The following KCNN3 variants were observed in gnomAD, a reference collection of about 807,000 sequenced individuals.
KCNN3 encodes potassium calcium-activated channel subfamily N member 3.
Under a neutral mutation model 62.9 loss-of-function variants are expected in KCNN3, and 16 were observed. The ratio of observed to expected loss-of-function variants is 0.25; its 90% CI spans 0.17 to 0.39. The LOEUF (loss-of-function observed/expected upper bound fraction) is 0.39, where lower values mean the gene tolerates loss of function less well. Ranked by LOEUF, KCNN3 falls within the 10% of genes least tolerant of loss-of-function variation. The pLI is 1.00. For missense variants in KCNN3, 599 were observed against 949.4 expected, an observed-to-expected ratio of 0.63 and a Z score of 4.85; for synonymous variants, 370 against 389.2, an observed-to-expected ratio of 0.95 and a Z score of 0.58.
Position 154,824,335 on chromosome 1 carries a change from T to G in KCNN3, c.934-2151A>C, listed in dbSNP as rs75097808. Among the ~76,000 whole-genome samples, 1,500 of 152,302 alleles carry G rather than the reference T, an allele frequency of 9.8e-3. 11 individuals carry two copies. The highest frequency in any genetic ancestry group is 0.017 in the Middle Eastern group (5 of 294). On this transcript the variant is annotated intron_variant, in intron 1 of 7. Coordinates refer to ENST00000271915, the MANE Select transcript of KCNN3 (RefSeq NM_002249.6). ...TACTCAGCACACATGTATGGGGGCC[T>G]AAGGAGGGCTGGTGCTGTTCTGGTC...
intron 3 of KCNN3, among the ~76,000 whole-genome samples, chr1:154,765,817 T>C (rs2878376): frequency 6.6e-6 from 1 of 151,706 alleles, no homozygotes; most frequent in Admixed American, 6.6e-5. Context: ...TTTTGTTTTG[T>C]TTTGTTTTTG....
In KCNN3 at chr1:154,869,768, A is replaced by ACTGCTGCT. The variant is rs1653105297; in HGVS notation, c.196_197insAGCAGCAG (p.Leu66GlnfsTer113). 1 of 423,952 alleles carries ACTGCTGCT rather than the reference A, an allele frequency of 2.4e-6. No homozygotes were observed. The highest frequency in any genetic ancestry group is 3.6e-6 in the Non-Finnish European group (1 of 276,998). The allele number at this position is 423,952 out of a possible 1,614,324, so 26.3% of individuals were successfully genotyped here. A position where few individuals can be genotyped will look rare whatever the true frequency, so the allele number is the denominator to read the frequency against. On this transcript the variant is annotated frameshift_variant, in exon 1 of 8. Coordinates refer to ENST00000271915, the MANE Select transcript of KCNN3 (RefSeq NM_002249.6). LOFTEE classifies it high-confidence loss of function. The surrounding 1 kb of genome is among the most constrained non-coding windows in gnomAD (Gnocchi z 6.1). ...CTGCTGCTGCTGCTGCTGCTGCTGA[A>ACTGCTGCT]GCTGCGGAGGCTGAGGCTGCAGCGA...
intron 5 of KCNN3, among the ~76,000 whole-genome samples, 156 bp from the exon 6 acceptor site, chr1:154,715,159 C>A (rs1223031138): frequency 2.0e-5 from 3 of 152,012 alleles, no homozygotes; most frequent in African/African-American, 7.2e-5. Flanking sequence ...TGATTAAGGC[C>A]GGGCACGGTG....
At chr1:154,848,890 C>G (rs953516387) in intron 1 of KCNN3, among the ~76,000 whole-genome samples, 10 of 152,246 alleles carry the variant, frequency 6.6e-5, no homozygotes. Context: ...CGAACACCCC[C>G]TCAGCCTCAT....
At chr1:154,732,788 G>A (rs574183590) in intron 4 of KCNN3, among the ~76,000 whole-genome samples, 1 of 152,194 alleles carries the variant, frequency 6.6e-6, no homozygotes, top group Non-Finnish European at 1.5e-5. Context: ...CAGGAGTCCA[G>A]GTCTCATTCT....
At chr1:154,866,313 CATT>C (rs1331046802) in intron 1 of KCNN3, among the ~76,000 whole-genome samples, 1 of 152,234 alleles carries the variant, frequency 6.6e-6, no homozygotes, top group Non-Finnish European at 1.5e-5. Flanking sequence ...TTCCTCTCAT[CATT>C]GTCATCATCA....
chr1:154,744,782 T>C (rs11578178), intron 3 of KCNN3, among the ~76,000 whole-genome samples: 39,770 of 151,982 alleles, frequency 0.26, 5,496 homozygotes, highest in Middle Eastern at 0.35. Flanking sequence ...GTATTATGAG[T>C]TCCTTTAGTT....
intron 2 of KCNN3, among the ~76,000 whole-genome samples, chr1:154,812,236 C>G (rs1650436159): frequency 6.6e-6 from 1 of 152,150 alleles, no homozygotes; most frequent in Admixed American, 6.5e-5. Flanking sequence ...CCTTGGCACT[C>G]TCAGAGAAAC....
intron 7 of KCNN3, among the ~76,000 whole-genome samples, chr1:154,708,703 C>A (rs754055700): frequency 7.9e-5 from 12 of 152,060 alleles, no homozygotes; most frequent in Admixed American, 2.0e-4. Context: ...AAGTACACAT[C>A]TGCAGCTCAC....
At chr1:154,823,365 C>T (rs1485797308) in intron 1 of KCNN3, among the ~76,000 whole-genome samples, 1 of 152,208 alleles carries the variant, frequency 6.6e-6, no homozygotes, top group Non-Finnish European at 1.5e-5. Context: ...AAGAAACATT[C>T]CCTTCCTCAG....
chr1:154,780,551 T>C (rs1409011733), intron 2 of KCNN3, among the ~76,000 whole-genome samples: 5 of 144,732 alleles, frequency 3.5e-5, no homozygotes, highest in Non-Finnish European at 7.5e-5. Context: ...AAGAAAAAAT[T>C]ACAGATTTTC....
At chr1:154,721,301 C>CTTT (rs34172435) in intron 5 of KCNN3, among the ~76,000 whole-genome samples, 2 of 117,954 alleles carry the variant, frequency 1.7e-5, no homozygotes, top group African/African-American at 3.1e-5. Context: ...TTTTTCTTTC[C>CTTT]TTTTTTTTTT....
intron 1 of KCNN3, among the ~76,000 whole-genome samples, chr1:154,844,844 A>G (rs1043079734): frequency 2.0e-5 from 3 of 152,094 alleles, no homozygotes; most frequent in Non-Finnish European, 4.4e-5. Context: ...CGCCTCTACT[A>G]AAAACACAAA....
At chr1:154,758,218 A>G (rs1647823143) in intron 3 of KCNN3, among the ~76,000 whole-genome samples, 1 of 152,224 alleles carries the variant, frequency 6.6e-6, no homozygotes, top group Non-Finnish European at 1.5e-5. Context: ...AAGAGGCTGC[A>G]TGACTCTGGT....
chr1:154,841,282 G>A (rs533437421), intron 1 of KCNN3, among the ~76,000 whole-genome samples: 5 of 152,310 alleles, frequency 3.3e-5, no homozygotes, highest in South Asian at 2.1e-4. Context: ...TTTAGTAAGC[G>A]CTCTCCACGT....
In KCNN3 at chr1:154,772,927, A is replaced by G. The variant is rs1648630422; in HGVS notation, c.1030-534T>C. ...GAAGAGGGGCCCGAAGGTTGAGTTG[A>G]TCACCAATGGCCAATGATGTCATCA... On this transcript the variant is annotated intron_variant, in intron 2 of 7. Coordinates refer to ENST00000271915, the MANE Select transcript of KCNN3 (RefSeq NM_002249.6). The surrounding 1 kb of genome is among the most constrained non-coding windows in gnomAD (Gnocchi z 5.6). Among the ~76,000 whole-genome samples the G allele has an allele frequency of 6.6e-6, 1 of 152,154 alleles. No homozygotes were observed. The highest frequency in any genetic ancestry group is 6.5e-5 in the Admixed American group (1 of 15,284).
chr1:154,847,478 C>T (rs750411117), intron 1 of KCNN3, among the ~76,000 whole-genome samples: 9 of 152,224 alleles, frequency 5.9e-5, no homozygotes, highest in African/African-American at 1.7e-4. Context: ...CCCAAGACCC[C>T]GCTCTCCTGA....
chr1:154,829,368 C>G (rs925159615), intron 1 of KCNN3, among the ~76,000 whole-genome samples: 17 of 152,230 alleles, frequency 1.1e-4, no homozygotes, highest in Admixed American at 2.0e-4. Context: ...CTCCAGGAAC[C>G]TTTCCTGCCT....
chr1:154,818,625 T>C (rs1457782805), intron 2 of KCNN3, among the ~76,000 whole-genome samples: 3 of 152,186 alleles, frequency 2.0e-5, no homozygotes, highest in Admixed American at 2.0e-4. Context: ...CTGCCTTCCC[T>C]GCCTGAGGAT....
Sources: gnomAD v4.1 joint callset for allele counts (sites outside exome capture counted in the v4.1 genomes callset) on GRCh38, gnomAD v4.1.1 for gene constraint, Gnocchi (gnomAD v3.1) non-coding constraint, MANE v1.5 for transcripts, NCBI Gene and HGNC (gene_info 2026-07-23, HGNC 2026-07-21) for gene names.